The following THSD7A variants were observed in gnomAD, a reference collection of about 807,000 sequenced individuals.
The protein encoded by THSD7A is thrombospondin type-1 domain-containing protein 7A.
In THSD7A, 96 loss-of-function variants were observed where a neutral mutation model predicts 231.3. That is an observed-to-expected ratio of 0.41 (90% CI 0.35 to 0.49). THSD7A has a LOEUF of 0.49. Ranked by LOEUF, THSD7A falls within the 20% of genes least tolerant of loss-of-function variation. THSD7A has a pLI of 0.05. For missense variants in THSD7A, 2,290 were observed against 2,070.2 expected (o/e 1.11, Z -2.06); for synonymous variants, 940 against 743.3 (o/e 1.26, Z -4.30).
At chr7:11,684,072 C>A (rs186440473) in intron 1 of THSD7A, among the ~76,000 whole-genome samples, 91 of 151,888 alleles carry the variant, frequency 6.0e-4, no homozygotes, top group African/African-American at 1.9e-3. Context: ...CAAGGATGAT[C>A]CAATACACAC....
At chr7:11,756,155 T>C (rs1782667421) in intron 1 of THSD7A, among the ~76,000 whole-genome samples, 1 of 152,138 alleles carries the variant, frequency 6.6e-6, no homozygotes, top group Non-Finnish European at 1.5e-5. Context: ...ACTTTCTCTT[T>C]CTGTCCCTTC....
chr7:11,542,119 G>T (rs1475873257), intron 5 of THSD7A, among the ~76,000 whole-genome samples: 1 of 152,210 alleles, frequency 6.6e-6, no homozygotes. Flanking sequence ...TAAGAAGTTG[G>T]ATGGTTCCAG....
chr7:11,422,106 A>G (rs182084571), intron 16 of THSD7A, among the ~76,000 whole-genome samples: 1 of 152,240 alleles, frequency 6.6e-6, no homozygotes, highest in Non-Finnish European at 1.5e-5. Context: ...TCAGAAGCCC[A>G]TCACAGGTGT....
chr7:11,723,857 G>T (rs1034177199), intron 1 of THSD7A, among the ~76,000 whole-genome samples: 1 of 151,870 alleles, frequency 6.6e-6, no homozygotes, highest in African/African-American at 2.4e-5. Flanking sequence ...AAGTAACTGG[G>T]CCAGACCATA....
chr7:11,619,456 T>C (rs113705186), intron 2 of THSD7A, among the ~76,000 whole-genome samples: 3,954 of 151,560 alleles, frequency 0.026, 159 homozygotes, highest in African/African-American at 0.085. Flanking sequence ...TTCCCCAGGC[T>C]GGACTCCTGC....
In THSD7A at chr7:11,444,020, A is replaced by G. The variant is rs1784884053; in HGVS notation, c.3064+2041T>C. Among the ~76,000 whole-genome samples the G allele has an allele frequency of 6.6e-6, 1 of 152,146 alleles. No individual in the cohort carries two copies. The highest frequency in any genetic ancestry group is 6.6e-5 in the Admixed American group (1 of 15,258). ...GAACAGGCAGTTCTCAAAAGACGAC[A>G]TTTATGTGGCTAACAAACATATGAA... On this transcript the variant is annotated intron_variant, in intron 13 of 27. Transcript: ENST00000423059. The surrounding 1 kb of genome is among the most constrained non-coding windows in gnomAD (Gnocchi z 4.2).
intron 1 of THSD7A, among the ~76,000 whole-genome samples, chr7:11,650,772 G>A (rs1782468682): frequency 6.6e-6 from 1 of 152,034 alleles, no homozygotes; most frequent in Non-Finnish European, 1.5e-5. Flanking sequence ...TAGCACAGAA[G>A]TAGCATCACA....
chr7:11,407,453 T>C (rs1168871477), intron 19 of THSD7A, 30 bp from the exon 20 acceptor site: 3 of 1,546,732 alleles, frequency 1.9e-6, no homozygotes, highest in African/African-American at 1.4e-5. Flanking sequence ...TCAGGATGTA[T>C]ATTGTAAATT....
intron 1 of THSD7A, among the ~76,000 whole-genome samples, chr7:11,824,389 A>G (rs1784963897): frequency 6.6e-6 from 1 of 152,076 alleles, no homozygotes; most frequent in Non-Finnish European, 1.5e-5. Context: ...AAGGACCCAA[A>G]CTACAATCGC....
chr7:11,585,423 C>T (rs543780791), intron 4 of THSD7A, among the ~76,000 whole-genome samples: 6 of 152,172 alleles, frequency 3.9e-5, no homozygotes, highest in South Asian at 2.1e-4. Context: ...CCTCATTTAA[C>T]GTCACCAATA....
chr7:11,665,986 C>T (rs1024618880), intron 1 of THSD7A, among the ~76,000 whole-genome samples: 1 of 152,106 alleles, frequency 6.6e-6, no homozygotes, highest in Non-Finnish European at 1.5e-5. Flanking sequence ...AAGGTAAACT[C>T]TCCTCTAATT....
chr7:11,438,217 G>A (rs915069053), intron 13 of THSD7A, among the ~76,000 whole-genome samples: 16 of 151,830 alleles, frequency 1.1e-4, no homozygotes, highest in Admixed American at 7.9e-4. Flanking sequence ...AGAGGCTGGT[G>A]GAATAAGCAG....
At chr7:11,731,088 T>A (rs1053516495) in intron 1 of THSD7A, among the ~76,000 whole-genome samples, 1 of 151,620 alleles carries the variant, frequency 6.6e-6, no homozygotes, top group Non-Finnish European at 1.5e-5. Context: ...TAATTTTGTC[T>A]CTTTTCAATA....
intron 11 of THSD7A, among the ~76,000 whole-genome samples, chr7:11,448,431 T>C (rs1300279134): frequency 6.6e-6 from 1 of 152,162 alleles, no homozygotes; most frequent in East Asian, 1.9e-4. Context: ...TTGGCTTCAC[T>C]GAATTATCTT....
chr7:11,724,385 T>A (rs113819918), intron 1 of THSD7A, among the ~76,000 whole-genome samples: 2,044 of 152,044 alleles, frequency 0.013, 45 homozygotes, highest in African/African-American at 0.046. Flanking sequence ...TATTAAACAC[T>A]TCTAAGTAAT....
At chr7:11,532,925 T>C (rs1262412043) in intron 6 of THSD7A, among the ~76,000 whole-genome samples, 1 of 152,150 alleles carries the variant, frequency 6.6e-6, no homozygotes, top group Non-Finnish European at 1.5e-5. Flanking sequence ...ATCTGGGATA[T>C]AGCTAATAAT....
chr7:11,777,457 A>T lies in THSD7A; in HGVS notation c.190+54300T>A, dbSNP rs779287263. Among the ~76,000 whole-genome samples the T allele has an allele frequency of 4.2e-3, 489 of 116,144 alleles. 3 individuals carry two copies. The highest frequency in any genetic ancestry group is 0.019 in the Middle Eastern group (4 of 212). 76.2% of individuals were successfully genotyped at this position (116,144 alleles called of 152,430 possible). A position where few individuals can be genotyped will look rare whatever the true frequency, so the allele number is the denominator to read the frequency against. ...CACACACACACACACACACACACAC[A>T]CACTCTTTAACTGGCAGCCCTGAAT... On this transcript the variant is annotated intron_variant, in intron 1 of 27. Coordinates refer to ENST00000423059, the MANE Select transcript of THSD7A (RefSeq NM_015204.3).
chr7:11,496,896 G>A (rs1439334662), intron 6 of THSD7A, among the ~76,000 whole-genome samples: 1 of 152,208 alleles, frequency 6.6e-6, no homozygotes, highest in African/African-American at 2.4e-5. Context: ...CTAAAAAGTT[G>A]TGAGACTTTA....
intron 1 of THSD7A, among the ~76,000 whole-genome samples, chr7:11,734,861 G>A (rs1374968144): frequency 6.6e-6 from 1 of 151,764 alleles, no homozygotes; most frequent in East Asian, 1.9e-4. Context: ...TTTCAACAAT[G>A]CATTTTCCAG....
Sources: allele counts gnomAD v4.1 joint callset (sites outside exome capture counted in the v4.1 genomes callset), GRCh38; gene constraint gnomAD v4.1.1; non-coding constraint Gnocchi (gnomAD v3.1); transcripts MANE v1.5; gene names NCBI Gene and HGNC (gene_info 2026-07-23, HGNC 2026-07-21).